The following MTR variants were observed in gnomAD, a reference collection of about 807,000 sequenced individuals.
MTR encodes methionine synthase.
A neutral mutation model predicts 154.8 loss-of-function variants in MTR; 84 were observed. The observed-to-expected ratio is 0.54, with a 90% confidence interval of 0.45 to 0.65. MTR has a LOEUF of 0.65. Among genes scored for constraint, MTR ranks in the 30% least tolerant of loss-of-function variants. MTR has a pLI of 0.00. For missense variants in MTR, 1,275 were observed against 1,570.2 expected (o/e 0.81, Z 3.18); for synonymous variants, 554 against 553.9 (o/e 1.00, Z 0.00).
At chr1:236,876,160 T>TA (rs1665420286) in intron 24 of MTR, among the ~76,000 whole-genome samples, 2 of 152,370 alleles carry the variant, frequency 1.3e-5, no homozygotes, top group Admixed American at 1.3e-4. Context: ...AAAAAGTAGA[T>TA]ACCATGGCCT....
chr1:236,861,043 T>A (rs1002875714), intron 19 of MTR, 82 bp from the exon 20 acceptor site: 45 of 1,228,544 alleles, frequency 3.7e-5, no homozygotes, highest in Non-Finnish European at 4.9e-5. Context: ...TCATGATGGC[T>A]CTGTGGAGGT....
In MTR at chr1:236,887,912, C is replaced by T. The variant is rs116120345; in HGVS notation, c.2852-1269C>T. 4.0e-3 allele frequency among the ~76,000 whole-genome samples: 610 copies of T among 152,312 alleles called. 4 individuals are homozygous for T. The highest frequency in any genetic ancestry group is 0.014 in the African/African-American group (579 of 41,578). On this transcript the variant is annotated intron_variant, in intron 27 of 32. Transcript: ENST00000366577. ...CTCTCTGCCTTCCCAGGCGGGAGGA[C>T]GCTTGAATCAAGGGTCTATCTGTAG...
Position 236,897,310 on chromosome 1 carries a change from G to GCGCGCGCGCACGCGCGCGCACACACA in MTR, c.3711+193_3711+194insGCGCGCGCACGCGCGCGCACACACAC. The stretch of plus-strand genomic sequence containing the variant: ...ACTTCTACATGCAAGCCACACACAC[G>GCGCGCGCGCACGCGCGCGCACACACA]CACACACACACACACACACACACAC... On this transcript the variant is annotated intron_variant, in intron 32 of 32. Transcript: ENST00000366577. Among the ~76,000 whole-genome samples, 122 of 128,668 alleles carry GCGCGCGCGCACGCGCGCGCACACACA rather than the reference G, an allele frequency of 9.5e-4. 1 individual carries two copies. Among genetic ancestry groups the GCGCGCGCGCACGCGCGCGCACACACA allele is most frequent in the Middle Eastern group, 4.0e-3 (1 of 252 alleles). The allele number at this position is 128,668 out of a possible 152,430, so 84.4% of individuals were successfully genotyped here.
intron 32 of MTR, 70 bp from the exon 33 acceptor site, chr1:236,897,488 A>G: frequency 7.0e-7 from 1 of 1,420,254 alleles, no homozygotes; most frequent in Non-Finnish European, 1.0e-6. Context: ...TTCTTGGCAA[A>G]TCTTGTGGAA....
At chr1:236,872,441 C>T (rs187102434) in intron 22 of MTR, among the ~76,000 whole-genome samples, 25 of 152,194 alleles carry the variant, frequency 1.6e-4, no homozygotes, top group African/African-American at 6.0e-4. Context: ...GTGTGCAGGA[C>T]CTGACCTCTT....
chr1:236,866,503 G>A (rs1664832567), intron 22 of MTR, among the ~76,000 whole-genome samples: 1 of 152,064 alleles, frequency 6.6e-6, no homozygotes, highest in African/African-American at 2.4e-5. Context: ...ACTCTGTAAT[G>A]GCCTTGTAAT....
chr1:236,829,727 T>C (rs1387896274), intron 12 of MTR, among the ~76,000 whole-genome samples: 2 of 152,350 alleles, frequency 1.3e-5, no homozygotes, highest in African/African-American at 2.4e-5. Context: ...TTTAGGACTT[T>C]ACAAAGACTT....
intron 8 of MTR, chr1:236,819,588 TC>T: frequency 4.7e-6 from 2 of 426,364 alleles, no homozygotes; most frequent in Non-Finnish European, 8.8e-6. Context: ...GAGGGGTCCA[TC>T]CGGCGTTGTT....
chr1:236,852,753 T>G, intron 17 of MTR, 116 bp downstream of exon 17: 2 of 1,136,956 alleles, frequency 1.8e-6, no homozygotes, highest in Non-Finnish European at 2.6e-6. Flanking sequence ...AAATAAGATT[T>G]TATTGGGATA....
intron 9 of MTR, among the ~76,000 whole-genome samples, chr1:236,824,646 T>C (rs1223449661): frequency 6.6e-6 from 1 of 152,222 alleles, no homozygotes; most frequent in Admixed American, 6.5e-5. Context: ...GGAAATGTTT[T>C]GAAGATATTT....
chr1:236,832,161 G>T, intron 13 of MTR, 83 bp downstream of exon 13: 1 of 1,091,030 alleles, frequency 9.2e-7, no homozygotes, highest in Non-Finnish European at 1.4e-6. Flanking sequence ...CTCTGCCTTT[G>T]ATAGTGTTAT....
chr1:236,844,223 A>G (rs1252254), intron 15 of MTR, among the ~76,000 whole-genome samples: 152,276 of 152,312 alleles, frequency 1, 76,120 homozygotes, highest in Middle Eastern at 1. Flanking sequence ...AAAGAGTTGT[A>G]GATAGATCAA....
intron 15 of MTR, among the ~76,000 whole-genome samples, chr1:236,848,482 C>A (rs1663715661): frequency 6.6e-6 from 1 of 152,138 alleles, no homozygotes; most frequent in South Asian, 2.1e-4. Context: ...GAAGGGTAGA[C>A]TTTAAAAGTT....
At chr1:236,816,959 A>G (rs1661630025) in intron 8 of MTR, among the ~76,000 whole-genome samples, 1 of 152,156 alleles carries the variant, frequency 6.6e-6, no homozygotes, top group African/African-American at 2.4e-5. Flanking sequence ...CTGTAGTCCC[A>G]GCTACTTGGG....
At chr1:236,839,330 G>A (rs1663095391) in intron 15 of MTR, among the ~76,000 whole-genome samples, 1 of 152,042 alleles carries the variant, frequency 6.6e-6, no homozygotes, top group Non-Finnish European at 1.5e-5. Flanking sequence ...AAGTCAGAAA[G>A]CAAAACACCC....
At chr1:236,869,638 A>T (rs1665011703) in intron 22 of MTR, among the ~76,000 whole-genome samples, 1 of 152,240 alleles carries the variant, frequency 6.6e-6, no homozygotes, top group South Asian at 2.1e-4. Flanking sequence ...ATGGCTCAAA[A>T]TGACAAAGGG....
At chr1:236,842,771 A>T (rs116230972) in intron 15 of MTR, among the ~76,000 whole-genome samples, 3,215 of 112,040 alleles carry the variant, frequency 0.029, 110 homozygotes, top group African/African-American at 0.11. Context: ...TAACAAATTT[A>T]AAAAAAAAAG....
intron 15 of MTR, among the ~76,000 whole-genome samples, chr1:236,848,977 T>C (rs1490031164): frequency 1.3e-5 from 2 of 152,170 alleles, no homozygotes. Context: ...TAGATTGCAG[T>C]AGGGTTGGCC....
chr1:236,899,742 G>A lies in MTR; in HGVS notation c.*2098G>A, dbSNP rs979190175. ...ATTTATAATACAAATAACTGATGAA[G>A]GATTCATAATCACAAATATAGAGAA... On this transcript the variant is annotated 3_prime_UTR_variant, in exon 33 of 33. Coordinates refer to ENST00000366577, the MANE Select transcript of MTR (RefSeq NM_000254.3). 10 of 152,122 alleles carry A rather than the reference G, an allele frequency of 6.6e-5. No individual in the cohort carries two copies. Among genetic ancestry groups the A allele is most frequent in the African/African-American group, 2.4e-4 (10 of 41,480 alleles). 9.4% of individuals were successfully genotyped at this position (152,122 alleles called of 1,614,324 possible). A position where few individuals can be genotyped will look rare whatever the true frequency, so the allele number is the denominator to read the frequency against.
Sources: allele counts gnomAD v4.1 joint callset (sites outside exome capture counted in the v4.1 genomes callset), GRCh38; gene constraint gnomAD v4.1.1; transcripts MANE v1.5; gene names NCBI Gene and HGNC (gene_info 2026-07-23, HGNC 2026-07-21).